Variants in RAI14 observed in about 807,000 individuals in gnomAD.
RAI14 encodes retinoic acid induced 14.
A neutral mutation model predicts 115.4 loss-of-function variants in RAI14; 45 were observed. The ratio of observed to expected loss-of-function variants is 0.39; its 90% CI spans 0.31 to 0.50. The LOEUF (loss-of-function observed/expected upper bound fraction) is 0.50. Among genes scored for constraint, RAI14 ranks in the 20% least tolerant of loss-of-function variants. RAI14 has a pLI of 0.85. For missense variants in RAI14, 939 were observed against 1,131.2 expected (o/e 0.83, Z 2.44); for synonymous variants, 371 against 415.4 (o/e 0.89, Z 1.30).
intron 3 of RAI14, among the ~76,000 whole-genome samples, chr5:34,774,664 C>A (rs1750620072): frequency 6.6e-6 from 1 of 151,720 alleles, no homozygotes; most frequent in Admixed American, 6.6e-5. Context: ...TTCTTCCAAC[C>A]ATGAACATGG....
At chr5:34,818,206 G>T (rs1031267358) in intron 12 of RAI14, among the ~76,000 whole-genome samples, 2 of 152,094 alleles carry the variant, frequency 1.3e-5, no homozygotes, top group Non-Finnish European at 2.9e-5. Context: ...GAAGTTCCAA[G>T]AATTTTTATG....
At position 34,813,617 on chromosome 5, in the gene RAI14, C is replaced by T. The variant is rs868847321; in HGVS notation, c.809C>T (p.Pro270Leu). 3.1e-6 allele frequency: 5 copies of T among 1,613,222 alleles called. No individual in the cohort carries two copies. Among genetic ancestry groups the T allele is most frequent in the Non-Finnish European group, 4.2e-6 (5 of 1,179,540 alleles). The change falls in exon 11 of 18, where the codon CCA (proline) becomes CTA (leucine). Residue 270 changes from proline to leucine, a missense_variant. Physicochemically the swap from Pro to Leu is moderately conservative, Grantham distance 98 (BLOSUM62 -3). Transcript: ENST00000265109. ...SKISSERSGTPKKRKAPPPPI... is the reference protein window; with the variant it reads ...SKISSERSGTLKKRKAPPPPI... ...ATAAGCTCAGAAAGAAGTGGAACTC[C>T]AAAAAAACGCAAAGCTCCACCACCT...
In RAI14 at chr5:34,731,154, C is replaced by T. The variant is rs567995740; in HGVS notation, c.37-26314C>T. ...CTTAAGGGAAATACAACAAAATGCT[C>T]TTTGTTTTTAGTAGAATATTAAAGT... On this transcript the variant is annotated intron_variant, in intron 2 of 17. Coordinates refer to ENST00000265109, the MANE Select transcript of RAI14 (RefSeq NM_015577.3). Among the ~76,000 whole-genome samples, 27 of 152,208 alleles carry T rather than the reference C, an allele frequency of 1.8e-4. No individual in the cohort carries two copies. The East Asian group carries it at 4.4e-3, about 25-fold the overall frequency.
chr5:34,709,036 G>A (rs1385344895), intron 2 of RAI14, among the ~76,000 whole-genome samples: 4 of 151,488 alleles, frequency 2.6e-5, no homozygotes, highest in African/African-American at 4.9e-5. Flanking sequence ...CTAGCTAGGC[G>A]GGAGGAATGC....
rs1752585736 is a variant in RAI14 at position 34,788,625 on chromosome 5, A to G, written c.168-7314A>G. Among the ~76,000 whole-genome samples the G allele has an allele frequency of 2.6e-5, 4 of 152,206 alleles. No individual in the cohort carries two copies. In the South Asian group the frequency reaches 8.3e-4, roughly 31 times the overall value. Reference sequence around the variant, plus strand: ...AATATATAACTATAGAAATATCAAAATGATACCATACTTGAGTTAATTCCA... The same window carrying G: ...AATATATAACTATAGAAATATCAAAGTGATACCATACTTGAGTTAATTCCA... On this transcript the variant is annotated intron_variant, in intron 3 of 17. Coordinates refer to ENST00000265109, the MANE Select transcript of RAI14 (RefSeq NM_015577.3).
intron 2 of RAI14, among the ~76,000 whole-genome samples, chr5:34,740,798 T>C (rs1335971801): frequency 6.6e-6 from 1 of 152,242 alleles, no homozygotes; most frequent in Non-Finnish European, 1.5e-5. Flanking sequence ...AACTAGATTT[T>C]TCCCCCTGTG....
chr5:34,800,694 A>T (rs897409407), intron 4 of RAI14, among the ~76,000 whole-genome samples: 1 of 152,210 alleles, frequency 6.6e-6, no homozygotes, highest in African/African-American at 2.4e-5. Flanking sequence ...TTTTGCTTCT[A>T]TAGAAACCCG....
At chr5:34,760,748 TA>T (rs1266964412) in intron 3 of RAI14, among the ~76,000 whole-genome samples, 1 of 152,230 alleles carries the variant, frequency 6.6e-6, no homozygotes. Context: ...GCGTATAACA[TA>T]AAATTTACCA....
intron 9 of RAI14, 75 bp from the exon 10 acceptor site, chr5:34,812,105 G>C: frequency 7.2e-7 from 1 of 1,388,338 alleles, no homozygotes; most frequent in Non-Finnish European, 1.0e-6. Context: ...GTGTATGTGT[G>C]TGTATCCCCC....
intron 3 of RAI14, among the ~76,000 whole-genome samples, chr5:34,784,830 G>C (rs142511879): frequency 0.016 from 2,367 of 152,240 alleles, 54 homozygotes; most frequent in African/African-American, 0.054. Flanking sequence ...TCTCCTCTAA[G>C]AATAGAAAAT....
At position 34,823,226 on chromosome 5, in the gene RAI14, C is replaced by T; in HGVS notation, c.1384C>T (p.Arg462Ter). The T allele has an allele frequency of 6.2e-7, 1 of 1,614,040 alleles. No homozygotes were observed. Among genetic ancestry groups the T allele is most frequent in the Non-Finnish European group, 8.5e-7 (1 of 1,180,024 alleles). ...ACAGCTACAGGTCGAACTCCAATCCCGAAGGGCAGAACTGGTATGCTTAAA... is the reference window on the plus strand; with the variant it reads ...ACAGCTACAGGTCGAACTCCAATCCTGAAGGGCAGAACTGGTATGCTTAAA... ...RKQLQVELQS[R>*]RAELVCLNNT... Residue 462 changes from arginine (R) to a stop codon, truncating the protein, a stop_gained, in exon 15 of 18, where the codon CGA becomes TGA. Transcript: ENST00000265109. LOFTEE classifies it high-confidence loss of function. This position sits in a 1 kb window ranked among gnomAD's most constrained non-coding sequence, Gnocchi z 4.5.
At chr5:34,664,342 A>AG (rs1394149877) in intron 1 of RAI14, among the ~76,000 whole-genome samples, 1 of 151,124 alleles carries the variant, frequency 6.6e-6, no homozygotes, top group African/African-American at 2.4e-5. Context: ...AAAAAAAAAA[A>AG]GTATATTTAT....
At chr5:34,681,271 C>G (rs904981789) in intron 1 of RAI14, among the ~76,000 whole-genome samples, 1 of 152,168 alleles carries the variant, frequency 6.6e-6, no homozygotes, top group Non-Finnish European at 1.5e-5. Context: ...TGAAGAAATA[C>G]TCAAGCACTT....
chr5:34,821,185 C>G (rs945825462), intron 13 of RAI14, among the ~76,000 whole-genome samples: 1 of 152,034 alleles, frequency 6.6e-6, no homozygotes, highest in East Asian at 1.9e-4. Flanking sequence ...AGCACTTGAC[C>G]CAGAGGAATG....
intron 3 of RAI14, among the ~76,000 whole-genome samples, chr5:34,778,421 A>T (rs1222042798): frequency 6.6e-6 from 1 of 152,146 alleles, no homozygotes; most frequent in South Asian, 2.1e-4. Flanking sequence ...CTGGCCGGGC[A>T]TGGTGGCTCA....
At chr5:34,789,169 A>T (rs1171528765) in intron 3 of RAI14, among the ~76,000 whole-genome samples, 2 of 152,080 alleles carry the variant, frequency 1.3e-5, no homozygotes, top group Admixed American at 1.3e-4. Context: ...TAAGCCTGAG[A>T]TGACCCCACA....
chr5:34,750,532 C>T (rs1008134754), intron 2 of RAI14, among the ~76,000 whole-genome samples: 1 of 152,060 alleles, frequency 6.6e-6, no homozygotes, highest in African/African-American at 2.4e-5. Flanking sequence ...GGCGTTTGAC[C>T]TGGTGTTGAC....
intron 1 of RAI14, among the ~76,000 whole-genome samples, chr5:34,680,048 A>G (rs1252672027): frequency 6.6e-6 from 1 of 152,198 alleles, no homozygotes; most frequent in Non-Finnish European, 1.5e-5. Context: ...GGCAAAATGA[A>G]AATACTCTAT....
intron 3 of RAI14, among the ~76,000 whole-genome samples, chr5:34,767,234 A>G (rs187296925): frequency 1.3e-3 from 196 of 152,304 alleles, no homozygotes; most frequent in African/African-American, 4.6e-3. Flanking sequence ...TAAATGGGTA[A>G]TTGTTGCCCA....
Sources: gnomAD v4.1 joint callset for allele counts (sites outside exome capture counted in the v4.1 genomes callset) on GRCh38, gnomAD v4.1.1 for gene constraint, Gnocchi (gnomAD v3.1) non-coding constraint, MANE v1.5 for transcripts, NCBI Gene and HGNC (gene_info 2026-07-23, HGNC 2026-07-21) for gene names.